ZNF546: variants seen among roughly 807,000 people sequenced by gnomAD.
ZNF546 encodes the protein CTC-471F3.6.
ZNF546 carries 60 observed loss-of-function variants against 76.2 expected under a neutral mutation model. The observed-to-expected ratio is 0.79, with a 90% CI of 0.64 to 0.98. The LOEUF (loss-of-function observed/expected upper bound fraction) is 0.98. ZNF546 is among the 50% of genes least tolerant of loss of function. The pLI is 0.00. For missense variants in ZNF546, 936 were observed against 1,035.6 expected (o/e 0.90, Z 1.32); for synonymous variants, 277 against 328.1 (o/e 0.84, Z 1.68).
At chr19:40,005,091 T>C (rs1971587716) in intron 3 of ZNF546, among the ~76,000 whole-genome samples, 1 of 137,348 alleles carries the variant, frequency 7.3e-6, no homozygotes, top group Non-Finnish European at 1.5e-5. Context: ...CGATTTCAGC[T>C]CACTGCAACC....
rs759476122 is a variant in ZNF546, at chr19:40,014,173, C to T, written c.903C>T (p.Tyr301=). ...HQRIHSGVKP[Y]ECKECGKAFS... ...GAATACATTCTGGTGTGAAACCCTA[C>T]GAGTGTAAGGAATGTGGGAAAGCCT... The change falls in exon 7 of 7, where the codon TAC becomes TAT. Residue 301 remains tyrosine, a synonymous_variant. Coordinates refer to ENST00000347077, the MANE Select transcript of ZNF546 (RefSeq NM_178544.5). The T allele has an allele frequency of 1.6e-5, 26 of 1,611,534 alleles. 1 individual carries two copies. In the East Asian group the frequency reaches 2.0e-4, roughly 12 times the overall value.
At chr19:40,002,343 GAA>G (rs1294572887) in intron 3 of ZNF546, among the ~76,000 whole-genome samples, 1 of 152,040 alleles carries the variant, frequency 6.6e-6, no homozygotes, top group African/African-American at 2.4e-5. Flanking sequence ...CCACTTGCAA[GAA>G]AAAAATGCCA....
rs141706628 is a variant in ZNF546 at position 40,015,562 on chromosome 19, T to C, written c.2292T>C (p.Leu764=). 79 of 1,614,102 alleles carry C rather than the reference T, an allele frequency of 4.9e-5. No homozygotes were observed. In the African/African-American group the frequency reaches 9.3e-4, roughly 19 times the overall value. The change falls in exon 7 of 7, where the codon CTT becomes CTC. Residue 764 remains leucine, a synonymous_variant. Transcript: ENST00000347077. ...CGNAFRLQAE[L]TRHHIVHTGE... Reference sequence around the variant, plus strand: ...ATGCCTTTCGTCTTCAAGCAGAACTTACTCGACATCACATAGTTCACACGG... The same window carrying C: ...ATGCCTTTCGTCTTCAAGCAGAACTCACTCGACATCACATAGTTCACACGG...
rs1971800228 is a variant in ZNF546 at position 40,018,021 on chromosome 19, T to G, written c.*2240T>G. On this transcript the variant is annotated 3_prime_UTR_variant, in exon 7 of 7. Transcript: ENST00000347077. ...GAGATGGAGTCTCTGTCGCCCAGGC[T>G]GGAGTGCAGTGGTGCGATCTTGGCT... 7.4e-6 allele frequency: 1 copy of G among 135,488 alleles called. No individual in the cohort carries two copies. The highest frequency in any genetic ancestry group is 2.9e-5 in the African/African-American group (1 of 35,066). The allele number at this position is 135,488 out of a possible 1,614,324, so 8.4% of individuals were successfully genotyped here.
rs1325185742 is a variant in ZNF546, at chr19:40,014,211, G to A, written c.941G>A (p.Arg314Lys). Reference protein sequence around the residue: ...KECGKAFSRVRDLRVHQTIHA... With the variant: ...KECGKAFSRVKDLRVHQTIHA... ...TGTGGGAAAGCCTTTAGTCGTGTTA[G>A]AGACCTTAGAGTACATCAGACAATT... Residue 314 changes from arginine to lysine, a missense_variant, in exon 7 of 7, where the codon AGA (arginine) becomes AAA (lysine). Coordinates refer to ENST00000347077, the MANE Select transcript of ZNF546 (RefSeq NM_178544.5). 2 of 1,613,470 alleles carry A rather than the reference G, an allele frequency of 1.2e-6. No individual in the cohort carries two copies. Among genetic ancestry groups the A allele is most frequent in the Non-Finnish European group, 1.7e-6 (2 of 1,179,590 alleles).
intron 6 of ZNF546, among the ~76,000 whole-genome samples, chr19:40,009,639 C>T (rs1002027728): frequency 2.0e-5 from 3 of 152,144 alleles, no homozygotes; most frequent in Admixed American, 2.0e-4. Context: ...AGAAATCCCT[C>T]CCTCATGTCC....
chr19:39,999,395 T>G (rs1341271520), intron 3 of ZNF546, among the ~76,000 whole-genome samples: 1 of 152,232 alleles, frequency 6.6e-6, no homozygotes, highest in Non-Finnish European at 1.5e-5. Context: ...TTGCTTCTGA[T>G]GTGTTAAAAC....
At position 40,014,414 on chromosome 19, in the gene ZNF546, G is replaced by A; in HGVS notation, c.1144G>A (p.Val382Ile). Residue 382 changes from valine to isoleucine, a missense_variant, in exon 7 of 7, where the codon GTC becomes ATC. Coordinates refer to ENST00000347077, the MANE Select transcript of ZNF546 (RefSeq NM_178544.5). ...ISQHQKIHTG[V>I]KPYKCNECGK... ...TCAACATCAGAAAATTCATACTGGT[G>A]TCAAACCCTATAAATGTAATGAATG... The A allele has an allele frequency of 1.2e-6, 2 of 1,614,076 alleles. No homozygotes were observed. Among genetic ancestry groups the A allele is most frequent in the Non-Finnish European group, 8.5e-7 (1 of 1,180,010 alleles).
rs755299270 is a variant in ZNF546, at chr19:39,998,326, C to G, written c.-1C>G. On this transcript the variant is annotated 5_prime_UTR_variant, in exon 3 of 7. Coordinates refer to ENST00000347077, the MANE Select transcript of ZNF546 (RefSeq NM_178544.5). Reference sequence around the variant, plus strand: ...CCTTCCTTTCCAGTGAACAATGGACCATGCAGGTGGACCCTCCTCTTCACG... The same window carrying G: ...CCTTCCTTTCCAGTGAACAATGGACGATGCAGGTGGACCCTCCTCTTCACG... The G allele has an allele frequency of 6.8e-6, 11 of 1,613,642 alleles. No homozygotes were observed. Among genetic ancestry groups the G allele is most frequent in the Non-Finnish European group, 9.3e-6 (11 of 1,179,594 alleles).
chr19:40,015,228 C>A lies in ZNF546; in HGVS notation c.1958C>A (p.Thr653Lys). ...GCCTTTATTCGTAGCACTCATCTCA[C>A]GCAACATCACAGAATTCATACTGGT... The part of the protein sequence containing the change: ...GKAFIRSTHL[T>K]QHHRIHTGEK... The change falls in exon 7 of 7, where the codon ACG (threonine) becomes AAG (lysine). Residue 653 changes from threonine to lysine, a missense_variant. Transcript: ENST00000347077. 1 of 1,613,920 alleles carries A rather than the reference C, an allele frequency of 6.2e-7. No homozygotes were observed. Among genetic ancestry groups the A allele is most frequent in the Non-Finnish European group, 8.5e-7 (1 of 1,179,964 alleles).
intron 3 of ZNF546, among the ~76,000 whole-genome samples, chr19:40,001,250 TGTCA>T (rs1432584727): frequency 6.6e-6 from 1 of 152,218 alleles, no homozygotes; most frequent in Admixed American, 6.5e-5. Flanking sequence ...CGTGGTCCAG[TGTCA>T]GTCAGTGACC....
In ZNF546 at chr19:40,020,097, A is replaced by G. The variant is rs192063547; in HGVS notation, c.*4316A>G. 6.6e-6 allele frequency: 1 copy of G among 152,324 alleles called. No individual in the cohort carries two copies. Among genetic ancestry groups the G allele is most frequent in the East Asian group, 1.9e-4 (1 of 5,184 alleles). 9.4% of individuals were successfully genotyped at this position (152,324 alleles called of 1,614,324 possible). A position where few individuals can be genotyped will look rare whatever the true frequency, so the allele number is the denominator to read the frequency against. ...TACAAAAGCATCTGCACCAAAATAT[A>G]TAGATTTAATGGCATGTAGGGGTTT... On this transcript the variant is annotated 3_prime_UTR_variant, in exon 7 of 7. Transcript: ENST00000347077.
intron 3 of ZNF546, among the ~76,000 whole-genome samples, chr19:40,004,075 A>ATT (rs1568384580): frequency 1.4e-5 from 2 of 143,210 alleles, no homozygotes; most frequent in African/African-American, 5.2e-5. Flanking sequence ...ATATATAAAT[A>ATT]TATATATAAC....
intron 3 of ZNF546, among the ~76,000 whole-genome samples, chr19:40,002,939 A>G (rs1971547918): frequency 6.6e-6 from 1 of 151,954 alleles, no homozygotes. Context: ...ACCTCAAAAG[A>G]TCCGCCCACC....
chr19:40,006,028 A>G lies in ZNF546; in HGVS notation c.85-68A>G, dbSNP rs146140745. 2.1e-3 allele frequency: 2,800 copies of G among 1,323,756 alleles called. 50 individuals carry two copies. The African/African-American group carries it at 0.035, about 17-fold the overall frequency. 82.0% of individuals were successfully genotyped at this position (1,323,756 alleles called of 1,614,324 possible). On this transcript the variant is annotated intron_variant, in intron 3 of 6. Transcript: ENST00000347077. ...AGAAATGATGGCATAACAGGATCTT[A>G]TTAACTTAAGTCATTTTAGGAGTTT...
In ZNF546 at chr19:40,007,352, T is replaced by G. The variant is rs148651653; in HGVS notation, c.250T>G (p.Leu84Val). The G allele has an allele frequency of 3.1e-6, 5 of 1,607,220 alleles. No individual in the cohort carries two copies. Among genetic ancestry groups the G allele is most frequent in the Non-Finnish European group, 4.3e-6 (5 of 1,176,028 alleles). The change falls in exon 5 of 7, where the codon TTG (leucine) becomes GTG (valine). Residue 84 changes from leucine (L) to valine (V), a missense_variant. By Grantham distance (32) the Leu-to-Val change is conservative. Transcript: ENST00000347077. ...WECLDAVQRD[L>V]YKDVMLENYS... ...GTGCCTGGACGCTGTGCAGAGGGAC[T>G]TGTACAAGGATGTGATGTTGGAGAA...
chr19:40,005,926 A>G lies in ZNF546; in HGVS notation c.85-170A>G, dbSNP rs150543068. Among the ~76,000 whole-genome samples, 11 of 152,328 alleles carry G rather than the reference A, an allele frequency of 7.2e-5. No individual in the cohort carries two copies. The East Asian group carries it at 2.1e-3, about 29-fold the overall frequency. ...TTGTCATCACCTGGCAACCGTGGGC[A>G]TGAATTTACACCACCCCAGCCTTGA... On this transcript the variant is annotated intron_variant, in intron 3 of 6. Coordinates refer to ENST00000347077, the MANE Select transcript of ZNF546 (RefSeq NM_178544.5).
At chr19:40,009,008 A>T (rs1487594502) in intron 6 of ZNF546, among the ~76,000 whole-genome samples, 1 of 152,220 alleles carries the variant, frequency 6.6e-6, no homozygotes, top group Non-Finnish European at 1.5e-5. Flanking sequence ...ATATTATAGT[A>T]AGGGAAACAT....
rs180865738 is a variant in ZNF546, at chr19:40,015,783, G to C, written c.*2G>C. ...GAGGAAGTCCTATGCATAATGTAAAGAGAATACGATGGCCTTTAGAAAATG... is the reference window on the plus strand; with the variant it reads ...GAGGAAGTCCTATGCATAATGTAAACAGAATACGATGGCCTTTAGAAAATG... On this transcript the variant is annotated 3_prime_UTR_variant, in exon 7 of 7. Coordinates refer to ENST00000347077, the MANE Select transcript of ZNF546 (RefSeq NM_178544.5). 5.4e-5 allele frequency: 87 copies of C among 1,612,076 alleles called. No individual in the cohort carries two copies. The East Asian group carries it at 6.0e-4, about 11-fold the overall frequency.
Sources: gnomAD v4.1 joint callset for allele counts (sites outside exome capture counted in the v4.1 genomes callset) on GRCh38, gnomAD v4.1.1 for gene constraint, MANE v1.5 for transcripts, NCBI Gene and HGNC (gene_info 2026-07-23, HGNC 2026-07-21) for gene names.